ROR2: variants seen among roughly 807,000 people sequenced by gnomAD.
The protein encoded by ROR2 is tyrosine-protein kinase transmembrane receptor ROR2.
A neutral mutation model predicts 74.9 loss-of-function variants in ROR2; 33 were observed. That is an observed-to-expected ratio of 0.44 (90% CI 0.33 to 0.59). ROR2 has a LOEUF of 0.59. Ranked by LOEUF, ROR2 falls within the 20% of genes least tolerant of loss-of-function variation. ROR2 has a pLI of 0.02. For synonymous variants in ROR2, 586 were observed against 558.7 expected (o/e 1.05, Z -0.69); for missense variants, 1,216 against 1,313.8 (o/e 0.93, Z 1.15).
chr9:91,936,806 G>A lies in ROR2; in HGVS notation c.97+13061C>T, dbSNP rs549604811. 1.3e-4 allele frequency among the ~76,000 whole-genome samples: 20 copies of A among 151,886 alleles called. No homozygotes were observed. The East Asian group carries it at 1.9e-3, about 15-fold the overall frequency. On this transcript the variant is annotated intron_variant, in intron 1 of 8. Coordinates refer to ENST00000375708, the MANE Select transcript of ROR2 (RefSeq NM_004560.4). Reference sequence around the variant, plus strand: ...AGCACTTTGGGAGGCCGAGGCGGGCGGATCACGAGGTCAGGAGATCGAGAC... The same window carrying A: ...AGCACTTTGGGAGGCCGAGGCGGGCAGATCACGAGGTCAGGAGATCGAGAC...
chr9:91,860,255 A>C (rs772626693), intron 1 of ROR2, among the ~76,000 whole-genome samples: 5 of 152,132 alleles, frequency 3.3e-5, no homozygotes, highest in African/African-American at 4.8e-5. Context: ...TTAGCAGAGA[A>C]GCCCTCGGCA....
intron 1 of ROR2, chr9:91,948,879 C>T (rs970620782): frequency 1.1e-5 from 11 of 985,330 alleles, no homozygotes; most frequent in Non-Finnish European, 1.3e-5. Flanking sequence ...GAATCCGGCC[C>T]GAGGCGCGCG....
intron 1 of ROR2, among the ~76,000 whole-genome samples, chr9:91,820,465 A>C (rs1165567507): frequency 6.6e-6 from 1 of 152,144 alleles, no homozygotes; most frequent in Admixed American, 6.5e-5. Flanking sequence ...CCCAGCCCTG[A>C]GCAGAGAAAA....
rs763467459 is a variant in ROR2 at position 91,731,001 on chromosome 9, G to A, written c.1092C>T (p.Tyr364=). The change falls in exon 7 of 9, where the codon TAC becomes TAT. Residue 364 remains tyrosine (Y), a synonymous_variant. Coordinates refer to ENST00000375708, the MANE Select transcript of ROR2 (RefSeq NM_004560.4). ...DFPELGGGHA[Y]CRNPGGQMEG... The stretch of plus-strand genomic sequence containing the variant: ...CCATCTGGCCTCCGGGGTTCCGGCA[G>A]TAGGCGTGCCCCCCTCCAAGCTCAG... The A allele has an allele frequency of 6.2e-6, 10 of 1,614,170 alleles. No individual in the cohort carries two copies. Among genetic ancestry groups the A allele is most frequent in the Admixed American group, 3.3e-5 (2 of 60,022 alleles).
chr9:91,753,219 T>A (rs1318164091), intron 4 of ROR2, among the ~76,000 whole-genome samples: 2 of 152,042 alleles, frequency 1.3e-5, no homozygotes, highest in African/African-American at 4.8e-5. Context: ...TTCTATATGA[T>A]CAAGAAATAA....
At chr9:91,822,446 G>A (rs974973425) in intron 1 of ROR2, among the ~76,000 whole-genome samples, 1 of 152,208 alleles carries the variant, frequency 6.6e-6, no homozygotes, top group African/African-American at 2.4e-5. Context: ...GGCTCCCATA[G>A]ACTGAATTTG....
chr9:91,889,356 G>A (rs1329349907), intron 1 of ROR2, among the ~76,000 whole-genome samples: 2 of 152,246 alleles, frequency 1.3e-5, no homozygotes, highest in Non-Finnish European at 2.9e-5. Context: ...GACACACTGT[G>A]AAGGTGCCTG....
intron 1 of ROR2, among the ~76,000 whole-genome samples, chr9:91,895,875 T>TA (rs1237056668): frequency 2.0e-5 from 3 of 152,048 alleles, no homozygotes; most frequent in Non-Finnish European, 1.5e-5. Flanking sequence ...TAAATCTATT[T>TA]AAAAAAATGA....
chr9:91,906,451 T>G (rs3905385), intron 1 of ROR2, among the ~76,000 whole-genome samples: 1 of 151,984 alleles, frequency 6.6e-6, no homozygotes, highest in African/African-American at 2.4e-5. Flanking sequence ...TAGTGGCACA[T>G]GGTCACAGGC....
intron 1 of ROR2, among the ~76,000 whole-genome samples, chr9:91,917,461 G>A (rs1285964242): frequency 6.6e-6 from 1 of 152,214 alleles, no homozygotes; most frequent in Non-Finnish European, 1.5e-5. Context: ...AGAGGGCAGG[G>A]AAGCTCGTGT....
At chr9:91,738,601 G>A (rs1023627414) in intron 4 of ROR2, among the ~76,000 whole-genome samples, 1 of 152,204 alleles carries the variant, frequency 6.6e-6, no homozygotes, top group Non-Finnish European at 1.5e-5. Context: ...ATTTGAAAAG[G>A]AGAAAAGCAA....
At chr9:91,787,738 C>A (rs1359457436) in intron 1 of ROR2, among the ~76,000 whole-genome samples, 3 of 151,946 alleles carry the variant, frequency 2.0e-5, no homozygotes, top group Non-Finnish European at 4.4e-5. Context: ...CTGAATTGTC[C>A]AATTTTTAAC....
intron 1 of ROR2, among the ~76,000 whole-genome samples, chr9:91,782,147 G>A (rs923512256): frequency 6.6e-6 from 1 of 152,272 alleles, no homozygotes; most frequent in Non-Finnish European, 1.5e-5. Context: ...GATACAGTGA[G>A]AAGGTGAGGT....
chr9:91,923,745 G>C (rs986784368), intron 1 of ROR2: 1 of 152,244 alleles, frequency 6.6e-6, no homozygotes, highest in Admixed American at 6.5e-5. Context: ...CTTGTTGCTT[G>C]TTGCAAATAA....
At position 91,724,363 on chromosome 9, in the gene ROR2, G is replaced by T; in HGVS notation, c.2131C>A (p.Leu711Met). ...VVEMIRNRQV[L>M]PCPDDCPAWV... ...GCGGGACAGTCATCGGGGCAAGGCA[G>T]CACCTGCCGGTTCCGGATCATCTCC... The change falls in exon 9 of 9, where the codon CTG becomes ATG. Residue 711 changes from leucine to methionine, a missense_variant. Coordinates refer to ENST00000375708, the MANE Select transcript of ROR2 (RefSeq NM_004560.4). 1 of 1,613,802 alleles carries T rather than the reference G, an allele frequency of 6.2e-7. No individual in the cohort carries two copies. The highest frequency in any genetic ancestry group is 8.5e-7 in the Non-Finnish European group (1 of 1,180,040).
At chr9:91,846,432 G>C (rs1828933376) in intron 1 of ROR2, among the ~76,000 whole-genome samples, 1 of 152,164 alleles carries the variant, frequency 6.6e-6, no homozygotes, top group African/African-American at 2.4e-5. Flanking sequence ...GCCAAGAAGA[G>C]AGCCCTCACC....
intron 1 of ROR2, among the ~76,000 whole-genome samples, chr9:91,900,423 G>A (rs1181331092): frequency 6.6e-6 from 1 of 152,246 alleles, no homozygotes; most frequent in African/African-American, 2.4e-5. Context: ...AGGGAACGGT[G>A]GCGGCGCGGG....
rs1427317572 is a variant in ROR2 at position 91,724,805 on chromosome 9, T to C, written c.1689A>G (p.Glu563=). 1.2e-6 allele frequency: 2 copies of C among 1,609,130 alleles called. No individual in the cohort carries two copies. Among genetic ancestry groups the C allele is most frequent in the Non-Finnish European group, 1.7e-6 (2 of 1,176,186 alleles). Reference sequence around the variant, plus strand: ...AGTGCGGCGAGCGCATGACCAGGAATTCGTGGAGGTCGCCGTGCGAACAGT... The same window carrying C: ...AGTGCGGCGAGCGCATGACCAGGAACTCGTGGAGGTCGCCGTGCGAACAGT... The part of the protein sequence containing the change: ...FSYCSHGDLH[E]FLVMRSPHSD... Residue 563 remains glutamate, a synonymous_variant, in exon 9 of 9, where the codon GAA becomes GAG. Transcript: ENST00000375708.
intron 1 of ROR2, among the ~76,000 whole-genome samples, chr9:91,914,646 T>A (rs995023603): frequency 2.6e-5 from 4 of 152,086 alleles, no homozygotes; most frequent in African/African-American, 9.7e-5. Flanking sequence ...CCAAAACTCC[T>A]CTGCCTGGAA....
Sources: gnomAD v4.1 joint callset for allele counts (sites outside exome capture counted in the v4.1 genomes callset) on GRCh38, gnomAD v4.1.1 for gene constraint, MANE v1.5 for transcripts, NCBI Gene and HGNC (gene_info 2026-07-23, HGNC 2026-07-21) for gene names.